SNX2: variants seen among roughly 807,000 people sequenced by gnomAD.
The protein encoded by SNX2 is sorting nexin 2.
Under a neutral mutation model 69.9 loss-of-function variants are expected in SNX2, and 25 were observed. That is an observed-to-expected ratio of 0.36 (90% confidence interval 0.26 to 0.50). The LOEUF (loss-of-function observed/expected upper bound fraction) is 0.50. Among genes scored for constraint, SNX2 ranks in the 20% least tolerant of loss-of-function variants. SNX2 has a pLI of 0.97. For synonymous variants in SNX2, 229 were observed against 200.4 expected, an observed-to-expected ratio of 1.14 and a Z score of -1.20; for missense variants, 551 against 613.3, an observed-to-expected ratio of 0.90 and a Z score of 1.07.
chr5:122,792,343 C>T (rs1753260854), intron 1 of SNX2, among the ~76,000 whole-genome samples: 1 of 152,148 alleles, frequency 6.6e-6, no homozygotes, highest in Non-Finnish European at 1.5e-5. Context: ...CCTGTAATCC[C>T]AACACTTTGG....
Position 122,819,148 on chromosome 5 carries a change from A to G in SNX2, c.1212+125A>G. On this transcript the variant is annotated intron_variant, in intron 11 of 14. Coordinates refer to ENST00000379516, the MANE Select transcript of SNX2 (RefSeq NM_003100.4). Reference sequence around the variant, plus strand: ...CTAGCATGAATAAAATGGCTTCAAGATAAGTATACATAACTTAATACTTTC... The same window carrying G: ...CTAGCATGAATAAAATGGCTTCAAGGTAAGTATACATAACTTAATACTTTC... 8 of 670,784 alleles carry G rather than the reference A, an allele frequency of 1.2e-5. No individual in the cohort carries two copies. The South Asian group carries it at 1.6e-4, about 13-fold the overall frequency. The allele number at this position is 670,784 out of a possible 1,614,324, so 41.6% of individuals were successfully genotyped here. A position where few individuals can be genotyped will look rare whatever the true frequency, so the allele number is the denominator to read the frequency against.
At chr5:122,791,916 A>T (rs1330092250) in intron 1 of SNX2, among the ~76,000 whole-genome samples, 1 of 152,246 alleles carries the variant, frequency 6.6e-6, no homozygotes. Flanking sequence ...AACAGATAAT[A>T]CTTATAATGT....
chr5:122,809,228 A>T (rs1426245385), intron 7 of SNX2, among the ~76,000 whole-genome samples: 2 of 152,314 alleles, frequency 1.3e-5, no homozygotes, highest in South Asian at 4.1e-4. Context: ...ATAGGTTATT[A>T]TGCAAACACT....
chr5:122,829,919 T>C lies in SNX2; in HGVS notation c.*271T>C, dbSNP rs1008324891. 4.3e-6 allele frequency: 2 copies of C among 461,566 alleles called. No homozygotes were observed. Among genetic ancestry groups the C allele is most frequent in the Non-Finnish European group, 4.0e-6 (1 of 252,950 alleles). The allele number at this position is 461,566 out of a possible 1,614,324, so 28.6% of individuals were successfully genotyped here. On this transcript the variant is annotated 3_prime_UTR_variant, in exon 15 of 15. Transcript: ENST00000379516. ...GAATTGAACACTATTGTGTCTTAAA[T>C]ACTTGCACTAAATAGTGCACTGCAA...
At chr5:122,827,059 ATTTAT>A (rs1754164931) in intron 12 of SNX2, among the ~76,000 whole-genome samples, 1 of 152,092 alleles carries the variant, frequency 6.6e-6, no homozygotes, top group Admixed American at 6.5e-5. Flanking sequence ...AGCACTGATA[ATTTAT>A]TTTGTGGTGA....
intron 6 of SNX2, among the ~76,000 whole-genome samples, chr5:122,806,027 G>A (rs773165510): frequency 5.9e-5 from 9 of 151,684 alleles, no homozygotes; most frequent in South Asian, 2.1e-4. Flanking sequence ...TGATTCGCCC[G>A]TCTCAGCCTC....
At chr5:122,780,719 G>T (rs1341900313) in intron 1 of SNX2, among the ~76,000 whole-genome samples, 2 of 151,700 alleles carry the variant, frequency 1.3e-5, no homozygotes, top group Non-Finnish European at 2.9e-5. Context: ...ACAGGTGCAC[G>T]CCACCATGCC....
At chr5:122,784,822 C>G (rs1753047179) in intron 1 of SNX2, among the ~76,000 whole-genome samples, 1 of 152,108 alleles carries the variant, frequency 6.6e-6, no homozygotes, top group Non-Finnish European at 1.5e-5. Flanking sequence ...TACGTCTTCC[C>G]TAAATGTTGA....
Position 122,832,621 on chromosome 5 carries a change from TA to T in SNX2, c.*2974del, listed in dbSNP as rs1754319967. The T allele has an allele frequency of 6.6e-6, 1 of 152,036 alleles. No homozygotes were observed. The highest frequency in any genetic ancestry group is 1.5e-5 in the Non-Finnish European group (1 of 67,984). The allele number at this position is 152,036 out of a possible 1,614,324, so 9.4% of individuals were successfully genotyped here. On this transcript the variant is annotated 3_prime_UTR_variant, in exon 15 of 15. Coordinates refer to ENST00000379516, the MANE Select transcript of SNX2 (RefSeq NM_003100.4). ...CAAAAGTAATTGCGTCCTTTGTCGT[TA>T]TATAAATTGTTTTATAAATGGCTTT...
At chr5:122,809,587 C>G (rs979764980) in intron 7 of SNX2, among the ~76,000 whole-genome samples, 16 of 152,148 alleles carry the variant, frequency 1.1e-4, no homozygotes, top group African/African-American at 3.4e-4. Flanking sequence ...TTGAAACTTT[C>G]TAATTTCACT....
At chr5:122,806,042 A>G (rs1417155423) in intron 6 of SNX2, among the ~76,000 whole-genome samples, 1 of 151,398 alleles carries the variant, frequency 6.6e-6, no homozygotes, top group African/African-American at 2.4e-5. Flanking sequence ...AGCCTCCCAA[A>G]ATGCTGGGAT....
At chr5:122,797,531 G>T (rs1753410522) in intron 2 of SNX2, among the ~76,000 whole-genome samples, 1 of 152,070 alleles carries the variant, frequency 6.6e-6, no homozygotes, top group African/African-American at 2.4e-5. Context: ...ATTTTAACAG[G>T]TGTAGCATTC....
chr5:122,825,999 A>G (rs746943899), intron 11 of SNX2, 51 bp from the exon 12 acceptor site: 9 of 1,539,912 alleles, frequency 5.8e-6, no homozygotes, highest in Non-Finnish European at 8.0e-6. Context: ...GTGTTAAGAA[A>G]GTATTTTAAA....
At chr5:122,794,295 A>G (rs1753322694) in intron 1 of SNX2, among the ~76,000 whole-genome samples, 1 of 152,006 alleles carries the variant, frequency 6.6e-6, no homozygotes, top group African/African-American at 2.4e-5. Context: ...TGGGCAATAG[A>G]ATGAGACTGT....
chr5:122,787,705 G>A (rs1389723690), intron 1 of SNX2, among the ~76,000 whole-genome samples: 3 of 152,048 alleles, frequency 2.0e-5, no homozygotes, highest in East Asian at 1.9e-4. Flanking sequence ...CCCATTGTGC[G>A]GTCCACTCTT....
chr5:122,793,920 A>ACC (rs1753309503), intron 1 of SNX2, among the ~76,000 whole-genome samples: 2 of 151,624 alleles, frequency 1.3e-5, no homozygotes, highest in Non-Finnish European at 2.9e-5. Context: ...TCCCCCCAAA[A>ACC]AAAAAAAAAA....
chr5:122,831,934 C>G lies in SNX2; in HGVS notation c.*2286C>G, dbSNP rs1187252467. 6.6e-6 allele frequency among the ~76,000 whole-genome samples: 1 copy of G among 152,158 alleles called. No individual in the cohort carries two copies. The highest frequency in any genetic ancestry group is 2.4e-5 in the African/African-American group (1 of 41,438). On this transcript the variant is annotated 3_prime_UTR_variant, in exon 15 of 15. Transcript: ENST00000379516. ...TAAAAGATGAGTGTGCTGGAAATTT[C>G]AAGTATTATATGAGCCTCTGATACC...
intron 7 of SNX2, among the ~76,000 whole-genome samples, chr5:122,809,117 T>C (rs1753714481): frequency 6.6e-6 from 1 of 152,204 alleles, no homozygotes; most frequent in Non-Finnish European, 1.5e-5. Context: ...TTTTGGTCAT[T>C]ATTGTCTAAA....
chr5:122,801,370 C>T (rs1478915622), intron 3 of SNX2, among the ~76,000 whole-genome samples: 4 of 151,962 alleles, frequency 2.6e-5, no homozygotes, highest in Non-Finnish European at 4.4e-5. Context: ...TTTGGGAGAC[C>T]GAGGTGGGCA....
Sources: gnomAD v4.1 joint callset for allele counts (sites outside exome capture counted in the v4.1 genomes callset) on GRCh38, gnomAD v4.1.1 for gene constraint, MANE v1.5 for transcripts, NCBI Gene and HGNC (gene_info 2026-07-23, HGNC 2026-07-21) for gene names.